The following PTPRT variants were observed in gnomAD, a reference collection of about 807,000 sequenced individuals.
PTPRT encodes protein tyrosine phosphatase receptor type T.
PTPRT carries 56 observed loss-of-function variants against 176.8 expected under a neutral mutation model. The ratio of observed to expected loss-of-function variants is 0.32; its 90% CI spans 0.26 to 0.40. PTPRT has a LOEUF of 0.40. Ranked by LOEUF, PTPRT falls within the 10% of genes least tolerant of loss-of-function variation. The pLI, the probability that PTPRT is intolerant of heterozygous loss-of-function variation, is 1.00. For synonymous variants in PTPRT, 783 were observed against 739.0 expected, an observed-to-expected ratio of 1.06 and a Z score of -0.96; for missense variants, 1,540 against 1,908.2, an observed-to-expected ratio of 0.81 and a Z score of 3.60.
At chr20:42,788,736 A>G (rs2077329058) in intron 3 of PTPRT, among the ~76,000 whole-genome samples, 1 of 152,234 alleles carries the variant, frequency 6.6e-6, no homozygotes, top group Non-Finnish European at 1.5e-5. Context: ...GGGATTCTCC[A>G]GCAATGGAGG....
intron 15 of PTPRT, among the ~76,000 whole-genome samples, chr20:42,223,320 A>C (rs992388436): frequency 2.0e-5 from 3 of 152,314 alleles, no homozygotes; most frequent in Admixed American, 6.5e-5. Context: ...AACAGCCCAC[A>C]TTTGGTGTTA....
chr20:42,320,910 C>A (rs539238799), intron 11 of PTPRT, among the ~76,000 whole-genome samples: 1 of 152,196 alleles, frequency 6.6e-6, no homozygotes, highest in Admixed American at 6.5e-5. Flanking sequence ...TGGCAACATC[C>A]CACAGCAGGT....
intron 7 of PTPRT, among the ~76,000 whole-genome samples, chr20:42,674,553 T>C (rs1398448906): frequency 1.3e-5 from 2 of 152,206 alleles, no homozygotes; most frequent in South Asian, 2.1e-4. Context: ...ACATTTACCC[T>C]GTGGAAAGAG....
chr20:42,669,754 TG>T (rs1418219416), intron 7 of PTPRT, among the ~76,000 whole-genome samples: 1 of 152,132 alleles, frequency 6.6e-6, no homozygotes, highest in Non-Finnish European at 1.5e-5. Flanking sequence ...GAAAGACCCT[TG>T]CCTGTGGGAC....
chr20:42,459,094 G>A (rs776954691), intron 8 of PTPRT, among the ~76,000 whole-genome samples: 7 of 152,178 alleles, frequency 4.6e-5, no homozygotes. Flanking sequence ...TTGCTGAGAG[G>A]TGACATTGGA....
intron 7 of PTPRT, among the ~76,000 whole-genome samples, chr20:42,585,917 T>G (rs1052102697): frequency 1.3e-5 from 2 of 152,180 alleles, no homozygotes; most frequent in Non-Finnish European, 2.9e-5. Context: ...TATATATATG[T>G]ATGAATAGAC....
At chr20:42,615,003 G>A (rs995542026) in intron 7 of PTPRT, among the ~76,000 whole-genome samples, 1 of 138,352 alleles carries the variant, frequency 7.2e-6, no homozygotes, top group African/African-American at 2.8e-5. Context: ...AGTTACATAT[G>A]TATACATGTG....
At chr20:42,460,709 T>G (rs1850989383) in intron 8 of PTPRT, among the ~76,000 whole-genome samples, 1 of 152,210 alleles carries the variant, frequency 6.6e-6, no homozygotes, top group Non-Finnish European at 1.5e-5. Context: ...TGGTAGTTTC[T>G]CCAACGTTCA....
At chr20:42,513,204 G>GTC (rs1460401623) in intron 7 of PTPRT, among the ~76,000 whole-genome samples, 3 of 65,854 alleles carry the variant, frequency 4.6e-5, no homozygotes, top group African/African-American at 2.8e-4. Context: ...TTGATGGGGT[G>GTC]TGTGTGTGTG....
At chr20:42,332,029 T>C (rs1395813078) in intron 11 of PTPRT, among the ~76,000 whole-genome samples, 1 of 151,764 alleles carries the variant, frequency 6.6e-6, no homozygotes, top group Non-Finnish European at 1.5e-5. Context: ...ATACTTGCTA[T>C]AAAAGCAAAA....
In PTPRT at chr20:42,102,235, C is replaced by T; in HGVS notation, c.3603G>A (p.Arg1201=). The change falls in exon 26 of 31, where the codon CGG becomes CGA. Residue 1201 remains arginine (R), a synonymous_variant. Coordinates refer to ENST00000373187, the MANE Select transcript of PTPRT (RefSeq NM_007050.6). ...CCATACTTCGATTCTTATCATGGTT[C>T]CGGGGCAGGAGCCCAATGCTGCAGT... The part of the protein sequence containing the change: ...PEDCSIGLLP[R]NHDKNRSMDV... The T allele has an allele frequency of 1.2e-6, 2 of 1,614,164 alleles. No homozygotes were observed. The highest frequency in any genetic ancestry group is 8.5e-7 in the Non-Finnish European group (1 of 1,180,024).
intron 2 of PTPRT, among the ~76,000 whole-genome samples, chr20:42,884,597 GAGGCCATGGGAGTGGTTGAGGCC>G (rs1392705089): frequency 6.6e-6 from 1 of 152,148 alleles, no homozygotes; most frequent in Non-Finnish European, 1.5e-5. Flanking sequence ...GGCAGTATCT[GAGGCCATGGGAGTGGTTGAGGCC>G]AACCACAGAA....
intron 13 of PTPRT, among the ~76,000 whole-genome samples, chr20:42,255,361 G>C (rs142222011): frequency 6.6e-6 from 1 of 152,310 alleles, no homozygotes; most frequent in African/African-American, 2.4e-5. Flanking sequence ...AAAAATGCTT[G>C]ATAAACTCTT....
At chr20:42,735,329 G>C (rs2076523106) in intron 6 of PTPRT, among the ~76,000 whole-genome samples, 1 of 152,108 alleles carries the variant, frequency 6.6e-6, no homozygotes, top group African/African-American at 2.4e-5. Context: ...TGACCCCTGA[G>C]CTGTCCTTAG....
At position 42,278,381 on chromosome 20, in the gene PTPRT, A is replaced by C. The variant is rs560346587; in HGVS notation, c.2176+4108T>G. On this transcript the variant is annotated intron_variant, in intron 13 of 30. Transcript: ENST00000373187. Reference sequence around the variant, plus strand: ...GCTTGGGAGGAGTTTGATGTGCCTGAAAAACTGAAAGAAGACCAGTGTGCC... The same window carrying C: ...GCTTGGGAGGAGTTTGATGTGCCTGCAAAACTGAAAGAAGACCAGTGTGCC... 1.8e-4 allele frequency among the ~76,000 whole-genome samples: 28 copies of C among 151,818 alleles called. 1 individual carries two copies. The South Asian group carries it at 5.6e-3, about 31-fold the overall frequency.
rs762285112 is a variant in PTPRT at position 43,189,439 on chromosome 20, C to G, written c.88+207G>C. ...GGGAACTTCGCCAAACGCGGGCTGCCGAGGGACGCGAGGGGCCGGGCTCGC... is the reference window on the plus strand; with the variant it reads ...GGGAACTTCGCCAAACGCGGGCTGCGGAGGGACGCGAGGGGCCGGGCTCGC... On this transcript the variant is annotated intron_variant, in intron 1 of 30. Transcript: ENST00000373187. This position sits in a 1 kb window ranked among gnomAD's most constrained non-coding sequence, Gnocchi z 5.0. 1.2e-4 allele frequency among the ~76,000 whole-genome samples: 18 copies of G among 152,148 alleles called. No individual in the cohort carries two copies. The highest frequency in any genetic ancestry group is 2.4e-4 in the Non-Finnish European group (16 of 68,008).
chr20:42,245,625 C>T (rs2056435287), intron 14 of PTPRT, among the ~76,000 whole-genome samples: 1 of 152,098 alleles, frequency 6.6e-6, no homozygotes, highest in African/African-American at 2.4e-5. Flanking sequence ...TCCCTTCATC[C>T]ATGGATCTCA....
chr20:42,553,621 C>A (rs893348981), intron 7 of PTPRT, among the ~76,000 whole-genome samples: 2 of 152,034 alleles, frequency 1.3e-5, no homozygotes, highest in Non-Finnish European at 1.5e-5. Context: ...TTTTACTTGA[C>A]CTCTCTCCCC....
intron 15 of PTPRT, among the ~76,000 whole-genome samples, chr20:42,232,318 T>G (rs1288806826): frequency 6.6e-6 from 1 of 152,206 alleles, no homozygotes; most frequent in African/African-American, 2.4e-5. Flanking sequence ...TTTTCCTATT[T>G]TATAGATAAG....
Sources: gnomAD v4.1 joint callset for allele counts (sites outside exome capture counted in the v4.1 genomes callset) on GRCh38, gnomAD v4.1.1 for gene constraint, Gnocchi (gnomAD v3.1) non-coding constraint, MANE v1.5 for transcripts, NCBI Gene and HGNC (gene_info 2026-07-23, HGNC 2026-07-21) for gene names.